RAP1GDS1: variants seen among roughly 807,000 people sequenced by gnomAD.
RAP1GDS1 encodes the protein RAP1, GTP-GDP dissociation stimulator 1.
In RAP1GDS1, 35 loss-of-function variants were observed where a neutral mutation model predicts 71.1. The observed-to-expected ratio is 0.49, with a 90% CI of 0.38 to 0.65. RAP1GDS1 has a LOEUF of 0.65. Ranked by LOEUF, RAP1GDS1 falls within the 30% of genes least tolerant of loss-of-function variation. The pLI is 0.00. For missense variants in RAP1GDS1, 663 were observed against 706.1 expected, an observed-to-expected ratio of 0.94 and a Z score of 0.69; for synonymous variants, 229 against 243.1, an observed-to-expected ratio of 0.94 and a Z score of 0.54.
intron 2 of RAP1GDS1, among the ~76,000 whole-genome samples, chr4:98,313,068 C>CAAAAAAAAAA (rs556945198): frequency 2.6e-5 from 1 of 38,178 alleles, no homozygotes; most frequent in Non-Finnish European, 5.7e-5. Flanking sequence ...GACTCTGTCT[C>CAAAAAAAAAA]AAAAAAAAAA....
At chr4:98,373,606 CA>C (rs1447429030) in intron 4 of RAP1GDS1, among the ~76,000 whole-genome samples, 10 of 152,144 alleles carry the variant, frequency 6.6e-5, no homozygotes, top group Admixed American at 2.0e-4. Flanking sequence ...TCTGAGATTC[CA>C]GGTACAGTAG....
intron 2 of RAP1GDS1, among the ~76,000 whole-genome samples, chr4:98,320,472 C>A (rs140290726): frequency 0.043 from 6,536 of 152,166 alleles, 266 homozygotes; most frequent in African/African-American, 0.12. Flanking sequence ...CAGCTCCGGT[C>A]TACAGCTCCC....
intron 2 of RAP1GDS1, among the ~76,000 whole-genome samples, chr4:98,322,701 A>C (rs1236330056): frequency 1.0e-5 from 1 of 95,570 alleles, no homozygotes; most frequent in Non-Finnish European, 1.9e-5. Flanking sequence ...AGGCAGAAAT[A>C]AAGATGTTCT....
chr4:98,319,428 A>G (rs1731440260), intron 2 of RAP1GDS1, among the ~76,000 whole-genome samples: 1 of 152,158 alleles, frequency 6.6e-6, no homozygotes, highest in African/African-American at 2.4e-5. Context: ...GTATTGGTTT[A>G]CTGATATTTT....
intron 2 of RAP1GDS1, among the ~76,000 whole-genome samples, chr4:98,313,013 G>A (rs1578399277): frequency 1.5e-5 from 2 of 131,168 alleles, no homozygotes; most frequent in African/African-American, 5.8e-5. Flanking sequence ...AACTTGCAGT[G>A]AGCCGAGATC....
At chr4:98,278,055 A>T (rs552008451) in intron 1 of RAP1GDS1, among the ~76,000 whole-genome samples, 98 of 152,168 alleles carry the variant, frequency 6.4e-4, no homozygotes, top group Non-Finnish European at 1.5e-4. Flanking sequence ...GGCTACTAAA[A>T]GTACAAAAAT....
chr4:98,296,170 C>T (rs1167186724), intron 2 of RAP1GDS1, among the ~76,000 whole-genome samples: 1 of 151,976 alleles, frequency 6.6e-6, no homozygotes, highest in Non-Finnish European at 1.5e-5. Context: ...TTTCTCCATT[C>T]TGTACAAATA....
In RAP1GDS1 at chr4:98,402,516, G is replaced by A. The variant is rs192306248; in HGVS notation, c.638-1961G>A. Among the ~76,000 whole-genome samples, 340 of 151,734 alleles carry A rather than the reference G, an allele frequency of 2.2e-3. 1 individual carries two copies. The highest frequency in any genetic ancestry group is 3.4e-3 in the Non-Finnish European group (234 of 68,014). Reference sequence around the variant, plus strand: ...GGCATGTGAAGTAAGAGCTAAAGCCGTAGTTTTTTGTGACATTAAAGAATC... The same window carrying A: ...GGCATGTGAAGTAAGAGCTAAAGCCATAGTTTTTTGTGACATTAAAGAATC... On this transcript the variant is annotated intron_variant, in intron 6 of 14. Coordinates refer to ENST00000408927, the MANE Select transcript of RAP1GDS1 (RefSeq NM_001100427.2).
intron 6 of RAP1GDS1, among the ~76,000 whole-genome samples, chr4:98,403,962 T>G (rs954740527): frequency 2.0e-5 from 3 of 152,102 alleles, no homozygotes; most frequent in African/African-American, 7.2e-5. Context: ...TTAATATTGT[T>G]TTATGTGAGA....
chr4:98,404,336 A>G, intron 6 of RAP1GDS1, 141 bp from the exon 7 acceptor site: 2 of 782,750 alleles, frequency 2.6e-6, no homozygotes, highest in Non-Finnish European at 3.7e-6. Flanking sequence ...TTTCAGGGAC[A>G]TTAAAAATGG....
At chr4:98,351,693 A>C (rs917374972) in intron 3 of RAP1GDS1, among the ~76,000 whole-genome samples, 1 of 151,874 alleles carries the variant, frequency 6.6e-6, no homozygotes, top group African/African-American at 2.4e-5. Context: ...GTCCATCATG[A>C]GACACTGAAA....
intron 12 of RAP1GDS1, 112 bp from the exon 13 acceptor site, chr4:98,433,824 A>T: frequency 2.1e-6 from 2 of 941,594 alleles, no homozygotes; most frequent in East Asian, 5.4e-5. Context: ...AAATCAAATG[A>T]TTCATACAGG....
intron 7 of RAP1GDS1, among the ~76,000 whole-genome samples, chr4:98,413,527 T>C (rs577704158): frequency 6.8e-4 from 103 of 152,336 alleles, no homozygotes; most frequent in African/African-American, 2.3e-3. Flanking sequence ...ATTTCATCCA[T>C]GTCACTACAA....
intron 6 of RAP1GDS1, chr4:98,395,820 T>G (rs1744452079): frequency 6.6e-6 from 1 of 152,176 alleles, no homozygotes; most frequent in African/African-American, 2.4e-5. Flanking sequence ...CAATCAATAC[T>G]GTAATATCAA....
chr4:98,416,942 T>C lies in RAP1GDS1; in HGVS notation c.907+54T>C, dbSNP rs1261362457. On this transcript the variant is annotated intron_variant, in intron 8 of 14. Coordinates refer to ENST00000408927, the MANE Select transcript of RAP1GDS1 (RefSeq NM_001100427.2). ...ATGTGGTTGTCAGATGTTTTTAAAA[T>C]TTATTGTCTCTTCTGTAAATACTAC... is the stretch of plus-strand genomic sequence containing the variant. The C allele has an allele frequency of 1.1e-5, 17 of 1,568,356 alleles. No homozygotes were observed. In the East Asian group the frequency reaches 3.6e-4, roughly 33 times the overall value.
At chr4:98,384,920 A>G (rs1742519237) in intron 5 of RAP1GDS1, among the ~76,000 whole-genome samples, 1 of 151,764 alleles carries the variant, frequency 6.6e-6, no homozygotes, top group African/African-American at 2.4e-5. Flanking sequence ...TAATATCATA[A>G]TACCACATAG....
Position 98,442,764 on chromosome 4 carries a change from T to C in RAP1GDS1, c.*647T>C, listed in dbSNP as rs1362807363. 8.7e-6 allele frequency: 2 copies of C among 228,900 alleles called. No individual in the cohort carries two copies. The highest frequency in any genetic ancestry group is 5.7e-5 in the Admixed American group (1 of 17,662). The allele number at this position is 228,900 out of a possible 1,614,324, so 14.2% of individuals were successfully genotyped here. A position where few individuals can be genotyped will look rare whatever the true frequency, so the allele number is the denominator to read the frequency against. ...TGATTCCATATTTAATTGACTATTATCAATAGCCTGATATTGAAAAACATT... is the reference window on the plus strand; with the variant it reads ...TGATTCCATATTTAATTGACTATTACCAATAGCCTGATATTGAAAAACATT... On this transcript the variant is annotated 3_prime_UTR_variant, in exon 15 of 15. Transcript: ENST00000408927.
chr4:98,365,217 C>G (rs1739299937), intron 4 of RAP1GDS1, among the ~76,000 whole-genome samples: 1 of 152,132 alleles, frequency 6.6e-6, no homozygotes, highest in African/African-American at 2.4e-5. Flanking sequence ...GAGTTTGACT[C>G]TTCCCAGTAA....
chr4:98,435,294 T>A (rs993966563), intron 13 of RAP1GDS1, among the ~76,000 whole-genome samples: 25 of 152,180 alleles, frequency 1.6e-4, no homozygotes, highest in African/African-American at 6.0e-4. Context: ...TGTGTAATGA[T>A]CAAGTCAAGG....
Sources: allele counts gnomAD v4.1 joint callset (sites outside exome capture counted in the v4.1 genomes callset), GRCh38; gene constraint gnomAD v4.1.1; transcripts MANE v1.5; gene names NCBI Gene and HGNC (gene_info 2026-07-23, HGNC 2026-07-21).